The following MID1 variants were observed in gnomAD, a reference collection of about 807,000 sequenced individuals.
MID1 encodes the protein E3 ubiquitin-protein ligase Midline-1.
Under a neutral mutation model 40.4 loss-of-function variants are expected in MID1, and 7 were observed. The observed-to-expected ratio is 0.17, with a 90% CI of 0.10 to 0.33. The LOEUF is 0.33. Among genes scored for constraint, MID1 ranks in the 10% least tolerant of loss-of-function variants. The pLI is 1.00. For missense variants in MID1, 367 were observed against 558.5 expected (o/e 0.66, Z 3.46); for synonymous variants, 229 against 221.2 (o/e 1.04, Z -0.31).
At chrX:10,688,486 A>T (rs1038544262) in intron 1 of MID1, among the ~76,000 whole-genome samples, 4 of 111,836 alleles carry the variant, frequency 3.6e-5, no homozygotes, top group Non-Finnish European at 7.5e-5. Flanking sequence ...TATAGCATCA[A>T]CTGTTTTGTT....
intron 4 of MID1, among the ~76,000 whole-genome samples, chrX:10,489,583 T>C (rs1260481336): frequency 2.7e-5 from 3 of 112,445 alleles, no homozygotes; most frequent in African/African-American, 9.7e-5. Flanking sequence ...GCTGATCCTT[T>C]GATCTATTTG....
chrX:10,679,111 G>T (rs1252822899), intron 1 of MID1, among the ~76,000 whole-genome samples: 1 of 112,086 alleles, frequency 8.9e-6, no homozygotes, highest in Non-Finnish European at 1.9e-5. Context: ...ACACAAATGG[G>T]CAGCAGTAGA....
intron 1 of MID1, among the ~76,000 whole-genome samples, chrX:10,619,921 C>G (rs1400174321): frequency 2.7e-5 from 3 of 111,743 alleles, no homozygotes; most frequent in African/African-American, 9.8e-5. Context: ...TGTCTTTATT[C>G]TAGCCCAAAG....
At chrX:10,575,919 A>G (rs1934860138) in intron 1 of MID1, among the ~76,000 whole-genome samples, 1 of 110,067 alleles carries the variant, frequency 9.1e-6, no homozygotes, top group Non-Finnish European at 1.9e-5. Flanking sequence ...TCCAAATGTC[A>G]GCACACTCAA....
At chrX:10,589,838 C>G (rs1444068472) in intron 1 of MID1, 1 of 110,261 alleles carries the variant, frequency 9.1e-6, no homozygotes, top group African/African-American at 3.3e-5. Flanking sequence ...GCTTCCTGGT[C>G]AGGGAACCAA....
chrX:10,613,732 T>TATATATATATAGAGAGAG (rs1482081086), intron 1 of MID1, among the ~76,000 whole-genome samples: 5 of 17,478 alleles, frequency 2.9e-4, no homozygotes, highest in Non-Finnish European at 5.4e-4. Context: ...TATATATATA[T>TATATATATATAGAGAGAG]AGAGAGAGAG....
At chrX:10,593,355 TG>T (rs1935347218) in intron 1 of MID1, among the ~76,000 whole-genome samples, 1 of 111,947 alleles carries the variant, frequency 8.9e-6, no homozygotes, top group African/African-American at 3.2e-5. Context: ...AGTTTCCCAG[TG>T]GAACACAATG....
At chrX:10,554,490 G>A in intron 2 of MID1, among the ~76,000 whole-genome samples, 1 of 112,107 alleles carries the variant, frequency 8.9e-6, no homozygotes, top group South Asian at 3.8e-4. Context: ...TATGTTATCA[G>A]ATGAACGTTT....
At chrX:10,560,179 C>A (rs1481851913) in intron 2 of MID1, among the ~76,000 whole-genome samples, 1 of 111,194 alleles carries the variant, frequency 9.0e-6, no homozygotes, top group Non-Finnish European at 1.9e-5. Context: ...AGCCCCCATG[C>A]CCAGCCATAT....
At chrX:10,694,993 G>A (rs112457154) in intron 1 of MID1, among the ~76,000 whole-genome samples, 11 of 111,733 alleles carry the variant, frequency 9.8e-5, no homozygotes, top group African/African-American at 3.6e-4. Flanking sequence ...AGGTTAGGAC[G>A]ATGAGAGGGG....
chrX:10,680,743 G>T (rs2043053465), intron 1 of MID1, among the ~76,000 whole-genome samples: 2 of 110,874 alleles, frequency 1.8e-5, no homozygotes, highest in Admixed American at 1.9e-4. Context: ...TAATATTGAG[G>T]AAATAAGGTG....
At position 10,620,412 on chromosome X, in the gene MID1, G is replaced by C. The variant is rs1001421910; in HGVS notation, c.-179C>G. 8.9e-6 allele frequency: 1 copy of C among 112,857 alleles called. No individual in the cohort carries two copies. Among genetic ancestry groups the C allele is most frequent in the Non-Finnish European group, 1.9e-5 (1 of 53,293 alleles). 9.3% of individuals were successfully genotyped at this position (112,857 alleles called of 1,213,427 possible). On this transcript the variant is annotated 5_prime_UTR_variant, in exon 1 of 10. Transcript: ENST00000317552. ...GGAGCCCGCAAGACAAAAGCAACCCGGCGAAATCTACGGGCAGCAAAGAGC... is the reference window on the plus strand; with the variant it reads ...GGAGCCCGCAAGACAAAAGCAACCCCGCGAAATCTACGGGCAGCAAAGAGC...
chrX:10,798,578 AG>A (rs1341265165), intron 1 of MID1, among the ~76,000 whole-genome samples: 1 of 111,999 alleles, frequency 8.9e-6, no homozygotes, highest in Non-Finnish European at 1.9e-5. Context: ...CAAGTCGGAA[AG>A]ATGAAGAAGA....
intron 1 of MID1, among the ~76,000 whole-genome samples, chrX:10,599,660 T>C (rs1935480449): frequency 8.9e-6 from 1 of 112,309 alleles, no homozygotes; most frequent in Non-Finnish European, 1.9e-5. Flanking sequence ...ACTTAACTCA[T>C]AGAGCTGCAA....
At chrX:10,562,991 C>A (rs998371244) in intron 2 of MID1, among the ~76,000 whole-genome samples, 2 of 96,529 alleles carry the variant, frequency 2.1e-5, no homozygotes, top group African/African-American at 1.0e-4. Context: ...AAAGAAGAAA[C>A]AAGTTATAGA....
chrX:10,718,958 T>C (rs771212963), intron 1 of MID1, among the ~76,000 whole-genome samples: 5 of 111,896 alleles, frequency 4.5e-5, no homozygotes, highest in Non-Finnish European at 9.4e-5. Context: ...CATGATTATC[T>C]CAATAGATGC....
chrX:10,598,887 G>A (rs961966569), intron 1 of MID1, among the ~76,000 whole-genome samples: 6 of 111,844 alleles, frequency 5.4e-5, no homozygotes, highest in African/African-American at 2.0e-4. Flanking sequence ...ACAGAGCCAC[G>A]AGCTAATAAA....
intron 2 of MID1, among the ~76,000 whole-genome samples, chrX:10,546,213 A>T (rs1341560078): frequency 8.9e-6 from 1 of 112,304 alleles, no homozygotes; most frequent in African/African-American, 3.2e-5. Flanking sequence ...TAGAAAAAAA[A>T]GTTTTTAATA....
chrX:10,670,609 T>C (rs1157386462), intron 1 of MID1, among the ~76,000 whole-genome samples: 2 of 112,137 alleles, frequency 1.8e-5, no homozygotes, highest in Admixed American at 9.4e-5. Context: ...TTACAAAATG[T>C]AAGCATCATT....
Sources: gnomAD v4.1 joint callset for allele counts (sites outside exome capture counted in the v4.1 genomes callset) on GRCh38, gnomAD v4.1.1 for gene constraint, MANE v1.5 for transcripts, NCBI Gene and HGNC (gene_info 2026-07-23, HGNC 2026-07-21) for gene names.